FAXC: variants seen among roughly 807,000 people sequenced by gnomAD.
The protein encoded by FAXC is failed axon connections homolog, metaxin like GST domain containing.
In FAXC, 10 loss-of-function variants were observed where a neutral mutation model predicts 41.9. The ratio of observed to expected loss-of-function variants is 0.24; its 90% CI spans 0.15 to 0.41. FAXC has a LOEUF of 0.41. FAXC is among the 10% of genes least tolerant of loss of function. FAXC has a pLI of 1.00. For missense variants in FAXC, 399 were observed against 510.9 expected, an observed-to-expected ratio of 0.78 and a Z score of 2.11; for synonymous variants, 183 against 183.8, an observed-to-expected ratio of 1.00 and a Z score of 0.03.
intron 3 of FAXC, 101 bp from the exon 4 acceptor site, chr6:99,323,768 G>A: frequency 1.2e-6 from 1 of 845,718 alleles, no homozygotes; most frequent in Non-Finnish European, 1.9e-6. Context: ...ACACTCTGGA[G>A]GAACTGAATA....
At position 99,310,742 on chromosome 6, in the gene FAXC, C is replaced by A. The variant is rs377354036; in HGVS notation, c.823+12702G>T. Among the ~76,000 whole-genome samples the A allele has an allele frequency of 2.0e-5, 3 of 152,220 alleles. No individual in the cohort carries two copies. The East Asian group carries it at 5.8e-4, about 29-fold the overall frequency. On this transcript the variant is annotated intron_variant, in intron 4 of 5. Transcript: ENST00000389677. ...CTGATCTCTGTTCCCAGTTACTCAG[C>A]ATATGCTAAATGTGCTAACATGTGT...
intron 4 of FAXC, among the ~76,000 whole-genome samples, chr6:99,323,191 G>C (rs1032020687): frequency 7.9e-5 from 12 of 152,172 alleles, no homozygotes; most frequent in African/African-American, 2.9e-4. Flanking sequence ...GCCAGGTGGT[G>C]AGGCTGAAGC....
intron 4 of FAXC, among the ~76,000 whole-genome samples, chr6:99,307,065 GA>G (rs1186070230): frequency 6.6e-6 from 1 of 152,172 alleles, no homozygotes; most frequent in Non-Finnish European, 1.5e-5. Flanking sequence ...CAGAAGAGAA[GA>G]AGGGCTCCTC....
chr6:99,313,401 C>T (rs1280871676), intron 4 of FAXC, among the ~76,000 whole-genome samples: 1 of 152,010 alleles, frequency 6.6e-6, no homozygotes, highest in Non-Finnish European at 1.5e-5. Context: ...ACCAATTTTC[C>T]CCCTTAAGTA....
At chr6:99,335,395 C>T (rs1003324390) in intron 2 of FAXC, among the ~76,000 whole-genome samples, 8 of 152,224 alleles carry the variant, frequency 5.3e-5, no homozygotes, top group African/African-American at 1.9e-4. Flanking sequence ...CCCTATCCTA[C>T]GTAACTGTTG....
chr6:99,333,118 G>A lies in FAXC; in HGVS notation c.599+233C>T, dbSNP rs555856117. Among the ~76,000 whole-genome samples the A allele has an allele frequency of 4.6e-5, 7 of 152,324 alleles. No individual in the cohort carries two copies. In the South Asian group the frequency reaches 1.5e-3, roughly 32 times the overall value. The stretch of plus-strand genomic sequence containing the variant: ...TGACTAGTTGCAAAAGAGACGTACA[G>A]CCAGCAAAGCCTAAAATATTTACTG... On this transcript the variant is annotated intron_variant, in intron 3 of 5. Transcript: ENST00000389677.
intron 4 of FAXC, among the ~76,000 whole-genome samples, chr6:99,301,909 T>C (rs917893594): frequency 1.3e-5 from 2 of 152,214 alleles, no homozygotes; most frequent in African/African-American, 4.8e-5. Flanking sequence ...TATGTAGGTA[T>C]ATTAGTTATT....
At chr6:99,287,781 A>G (rs1412483264) in intron 5 of FAXC, among the ~76,000 whole-genome samples, 1 of 152,206 alleles carries the variant, frequency 6.6e-6, no homozygotes, top group Non-Finnish European at 1.5e-5. Context: ...CCACAGAGAC[A>G]GCAAAGGCAG....
chr6:99,300,073 G>C (rs1053203771), intron 4 of FAXC, among the ~76,000 whole-genome samples: 2 of 151,824 alleles, frequency 1.3e-5, no homozygotes, highest in Non-Finnish European at 2.9e-5. Flanking sequence ...CGGCTCATAT[G>C]AACTATCTCG....
chr6:99,316,970 T>C (rs1460953807), intron 4 of FAXC, among the ~76,000 whole-genome samples: 1 of 152,202 alleles, frequency 6.6e-6, no homozygotes, highest in East Asian at 1.9e-4. Context: ...AACTCCCTAC[T>C]CTTTATTACA....
intron 3 of FAXC, 72 bp from the exon 4 acceptor site, chr6:99,323,739 G>A: frequency 8.6e-7 from 1 of 1,168,694 alleles, no homozygotes; most frequent in Non-Finnish European, 1.3e-6. Context: ...ACTTTAGAAT[G>A]AGTCGTTCAG....
chr6:99,288,626 A>T (rs1771110814), intron 5 of FAXC, among the ~76,000 whole-genome samples: 1 of 152,204 alleles, frequency 6.6e-6, no homozygotes, highest in African/African-American at 2.4e-5. Context: ...ATTGCAAAAC[A>T]AGGAACATCC....
At chr6:99,293,502 T>A (rs1170386753) in intron 4 of FAXC, among the ~76,000 whole-genome samples, 1 of 152,236 alleles carries the variant, frequency 6.6e-6, no homozygotes, top group African/African-American at 2.4e-5. Context: ...CTTTTGCACA[T>A]ACAACCTTAT....
At chr6:99,324,197 T>A (rs1179561347) in intron 3 of FAXC, among the ~76,000 whole-genome samples, 1 of 148,226 alleles carries the variant, frequency 6.7e-6, no homozygotes. Flanking sequence ...ATAAAAGAGT[T>A]AAAAAAAAAA....
intron 5 of FAXC, among the ~76,000 whole-genome samples, chr6:99,286,357 A>T: frequency 6.6e-6 from 1 of 152,222 alleles, no homozygotes; most frequent in East Asian, 1.9e-4. Flanking sequence ...CCTGAAACCC[A>T]AATCTCCTCA....
intron 4 of FAXC, among the ~76,000 whole-genome samples, chr6:99,295,226 C>G (rs11961084): frequency 1.7e-3 from 258 of 152,294 alleles, no homozygotes; most frequent in African/African-American, 5.9e-3. Context: ...TATGTGTACA[C>G]ACATACAGGA....
intron 1 of FAXC, among the ~76,000 whole-genome samples, chr6:99,348,791 G>A (rs1182592901): frequency 6.6e-6 from 1 of 152,120 alleles, no homozygotes; most frequent in Non-Finnish European, 1.5e-5. Context: ...TTTCTGCAGG[G>A]CCCAATTCTA....
intron 4 of FAXC, among the ~76,000 whole-genome samples, chr6:99,297,866 G>A (rs1279403111): frequency 6.6e-6 from 1 of 152,178 alleles, no homozygotes. Context: ...CAGTCTACTG[G>A]AACCTCTCAT....
chr6:99,305,779 T>C (rs1174019526), intron 4 of FAXC, among the ~76,000 whole-genome samples: 1 of 151,440 alleles, frequency 6.6e-6, no homozygotes, highest in Non-Finnish European at 1.5e-5. Flanking sequence ...TATTATATAT[T>C]GCATTACTAT....
Sources: allele counts gnomAD v4.1 joint callset (sites outside exome capture counted in the v4.1 genomes callset), GRCh38; gene constraint gnomAD v4.1.1; transcripts MANE v1.5; gene names NCBI Gene and HGNC (gene_info 2026-07-23, HGNC 2026-07-21).